ZNF423: variants seen among roughly 807,000 people sequenced by gnomAD.
ZNF423 encodes zinc finger protein 423, also known as Ebf-associated zinc finger protein.
In ZNF423, 12 loss-of-function variants were observed where a neutral mutation model predicts 95.8. That is an observed-to-expected ratio of 0.13 (90% CI 0.08 to 0.20). The LOEUF (loss-of-function observed/expected upper bound fraction) is 0.20, where lower values mean the gene tolerates loss of function less well. Ranked by LOEUF, ZNF423 falls within the 10% of genes least tolerant of loss-of-function variation. The probability of loss-of-function intolerance (pLI) is 1.00; values close to 1 mark genes in which losing one functional copy is unlikely to be tolerated. For missense variants in ZNF423, 1,316 were observed against 1,737.1 expected (o/e 0.76, Z 4.31); for synonymous variants, 749 against 711.9 (o/e 1.05, Z -0.83).
At chr16:49,850,812 A>G (rs1178519870) in intron 1 of ZNF423, among the ~76,000 whole-genome samples, 4 of 152,218 alleles carry the variant, frequency 2.6e-5, no homozygotes, top group Non-Finnish European at 5.9e-5. Context: ...AGAGAGCCTC[A>G]TGTTTCAAAG....
chr16:49,757,694 C>G (rs773241467), intron 2 of ZNF423, among the ~76,000 whole-genome samples: 3 of 152,206 alleles, frequency 2.0e-5, no homozygotes, highest in Non-Finnish European at 4.4e-5. Context: ...GCAGGAAATA[C>G]ACCCCTGTCA....
rs539389121 is a variant in ZNF423 at position 49,835,708 on chromosome 16, C to T, written c.40+20027G>A. Among the ~76,000 whole-genome samples, 179 of 152,348 alleles carry T rather than the reference C, an allele frequency of 1.2e-3. 1 individual carries two copies. The highest frequency in any genetic ancestry group is 4.2e-3 in the African/African-American group (174 of 41,580). On this transcript the variant is annotated intron_variant, in intron 1 of 7. Transcript: ENST00000563137. ...ATGGTCCAGAAACCTCCAGGGTCCC[C>T]AGGTTCCAGGAAGCCTGCATAGGAG...
chr16:49,692,098 T>C (rs548169559), intron 3 of ZNF423, among the ~76,000 whole-genome samples: 10 of 152,152 alleles, frequency 6.6e-5, no homozygotes, highest in African/African-American at 2.2e-4. Flanking sequence ...TACAGATGAA[T>C]GCTACCATGC....
chr16:49,826,899 C>A (rs1387812173), intron 1 of ZNF423: 1 of 152,088 alleles, frequency 6.6e-6, no homozygotes, highest in Non-Finnish European at 1.5e-5. Context: ...TTGAAAAGGC[C>A]ACTGGGGAAG....
intron 5 of ZNF423, among the ~76,000 whole-genome samples, chr16:49,528,534 G>A (rs1968707634): frequency 1.3e-5 from 2 of 152,134 alleles, no homozygotes; most frequent in Non-Finnish European, 1.5e-5. Context: ...TCAAACCTGG[G>A]GAAAGAGGGG....
At chr16:49,599,522 A>G (rs575653368) in intron 5 of ZNF423, among the ~76,000 whole-genome samples, 1 of 152,156 alleles carries the variant, frequency 6.6e-6, no homozygotes, top group East Asian at 1.9e-4. Flanking sequence ...GGATCCCAAG[A>G]CCCCAGAGCC....
intron 2 of ZNF423, among the ~76,000 whole-genome samples, chr16:49,741,400 G>A (rs1402877809): frequency 2.6e-5 from 4 of 151,962 alleles, no homozygotes; most frequent in Admixed American, 6.6e-5. Context: ...CCAGCTACTC[G>A]GGGGGCTGAG....
intron 2 of ZNF423, among the ~76,000 whole-genome samples, chr16:49,779,740 G>A (rs572890124): frequency 2.6e-4 from 39 of 152,256 alleles, no homozygotes; most frequent in African/African-American, 8.7e-4. Context: ...GCAGGACAGC[G>A]GGATCCTTGG....
intron 1 of ZNF423, among the ~76,000 whole-genome samples, chr16:49,793,083 T>G (rs1177619455): frequency 6.6e-6 from 1 of 152,074 alleles, no homozygotes; most frequent in Non-Finnish European, 1.5e-5. Context: ...ACATTCTTGA[T>G]GAGAAAGAGT....
At chr16:49,575,178 T>A (rs1970458278) in intron 5 of ZNF423, among the ~76,000 whole-genome samples, 1 of 152,152 alleles carries the variant, frequency 6.6e-6, no homozygotes. Context: ...AAAGTGGATA[T>A]GCTAAGAGAA....
chr16:49,816,899 A>G (rs2034864741), intron 1 of ZNF423, among the ~76,000 whole-genome samples: 1 of 152,230 alleles, frequency 6.6e-6, no homozygotes, highest in African/African-American at 2.4e-5. Flanking sequence ...AACGGTAGCA[A>G]TAACTAACCT....
intron 6 of ZNF423, among the ~76,000 whole-genome samples, chr16:49,524,411 C>T (rs1319391828): frequency 2.0e-5 from 3 of 152,224 alleles, no homozygotes; most frequent in Non-Finnish European, 2.9e-5. Context: ...GCAGCTGGGG[C>T]CCTTCAGTGC....
intron 4 of ZNF423, among the ~76,000 whole-genome samples, chr16:49,626,466 C>T (rs931589468): frequency 2.0e-5 from 3 of 152,078 alleles, no homozygotes; most frequent in African/African-American, 7.2e-5. Flanking sequence ...GGAGCTGCTT[C>T]TCTGCTAGAT....
At chr16:49,584,662 A>T (rs1278819937) in intron 5 of ZNF423, among the ~76,000 whole-genome samples, 1 of 151,838 alleles carries the variant, frequency 6.6e-6, no homozygotes, top group Non-Finnish European at 1.5e-5. Flanking sequence ...GTAGGTGGCC[A>T]CCCCCTCGCT....
chr16:49,765,653 G>A (rs1046631565), intron 2 of ZNF423, among the ~76,000 whole-genome samples: 3 of 152,102 alleles, frequency 2.0e-5, no homozygotes, highest in East Asian at 1.9e-4. Flanking sequence ...CCAGGAAGTC[G>A]AGGCTGCAGT....
At chr16:49,500,015 T>C (rs1176353649) in intron 7 of ZNF423, among the ~76,000 whole-genome samples, 1 of 152,102 alleles carries the variant, frequency 6.6e-6, no homozygotes, top group Non-Finnish European at 1.5e-5. Context: ...AGTCTGTTTG[T>C]GAGCAGAGAA....
intron 2 of ZNF423, among the ~76,000 whole-genome samples, chr16:49,780,847 G>C (rs566437008): frequency 2.0e-5 from 3 of 152,378 alleles, no homozygotes; most frequent in Admixed American, 6.5e-5. Context: ...TCTTTAAAAT[G>C]CTGGGAAATT....
At chr16:49,536,758 C>T (rs1969069019) in intron 5 of ZNF423, among the ~76,000 whole-genome samples, 1 of 152,344 alleles carries the variant, frequency 6.6e-6, no homozygotes, top group African/African-American at 2.4e-5. Flanking sequence ...TATATTTAAA[C>T]ATTCAGTTCC....
chr16:49,568,684 C>T (rs893200624), intron 5 of ZNF423, among the ~76,000 whole-genome samples: 7 of 152,118 alleles, frequency 4.6e-5, no homozygotes, highest in Non-Finnish European at 1.0e-4. Context: ...ATGCTGTCTG[C>T]GCAAGCCTTT....
Sources: allele counts gnomAD v4.1 joint callset (sites outside exome capture counted in the v4.1 genomes callset), GRCh38; gene constraint gnomAD v4.1.1; transcripts MANE v1.5; gene names NCBI Gene and HGNC (gene_info 2026-07-23, HGNC 2026-07-21).